Variants in PCDHA6 observed in about 807,000 individuals in gnomAD.
PCDHA6 encodes the protein protocadherin alpha-6.
Under a neutral mutation model 60.3 loss-of-function variants are expected in PCDHA6, and 55 were observed. The ratio of observed to expected loss-of-function variants is 0.91; its 90% confidence interval spans 0.73 to 1.14. The LOEUF is 1.14. PCDHA6 is among the 50% of genes most tolerant of loss of function. The probability of loss-of-function intolerance (pLI) is 0.00; values close to 1 mark genes in which losing one functional copy is unlikely to be tolerated. For synonymous variants in PCDHA6, 652 were observed against 557.9 expected (o/e 1.17, Z -2.38); for missense variants, 1,327 against 1,256.5 (o/e 1.06, Z -0.85).
At chr5:140,886,361 G>A (rs374709389) in intron 1 of PCDHA6, among the ~76,000 whole-genome samples, 1 of 151,992 alleles carries the variant, frequency 6.6e-6, no homozygotes, top group African/African-American at 2.4e-5. Context: ...TTACATAGGT[G>A]TACATGCCAT....
chr5:140,852,246 C>T, intron 1 of PCDHA6: 3 of 546,236 alleles, frequency 5.5e-6, no homozygotes, highest in South Asian at 1.6e-4. Flanking sequence ...TTAAAACACA[C>T]TTTTGGAATA....
Position 140,852,234 on chromosome 5 carries a change from C to T in PCDHA6, c.2394+21749C>T, listed in dbSNP as rs2150513960. On this transcript the variant is annotated intron_variant, in intron 1 of 3. Coordinates refer to ENST00000529310, the MANE Select transcript of PCDHA6 (RefSeq NM_018909.4). The stretch of plus-strand genomic sequence containing the variant: ...AAAATATTTTAATTTTTAAATTTTC[C>T]CTTAAAACACACTTTTGGAATATGC... 9.0e-5 allele frequency: 51 copies of T among 567,386 alleles called. 1 individual carries two copies. In the East Asian group the frequency reaches 2.4e-3, roughly 26 times the overall value. 35.1% of individuals were successfully genotyped at this position (567,386 alleles called of 1,614,324 possible).
At chr5:140,923,275 C>T (rs1296197801) in intron 1 of PCDHA6, among the ~76,000 whole-genome samples, 1 of 152,128 alleles carries the variant, frequency 6.6e-6, no homozygotes, top group African/African-American at 2.4e-5. Flanking sequence ...CTTGTCTCTA[C>T]AAAAAATTAA....
chr5:140,869,283 G>A, intron 1 of PCDHA6: 2 of 1,613,602 alleles, frequency 1.2e-6, no homozygotes, highest in Non-Finnish European at 1.7e-6. Flanking sequence ...CGGAGCTGGT[G>A]CAGCGCCTGT....
At chr5:140,896,450 C>T (rs1009231622) in intron 1 of PCDHA6, among the ~76,000 whole-genome samples, 1 of 152,092 alleles carries the variant, frequency 6.6e-6, no homozygotes, top group East Asian at 1.9e-4. Flanking sequence ...GCAACCTCCA[C>T]CTCCTGGGTT....
At chr5:140,871,209 C>T (rs955703694) in intron 1 of PCDHA6, 19 of 1,613,704 alleles carry the variant, frequency 1.2e-5, no homozygotes, top group East Asian at 4.5e-5. Flanking sequence ...TGATCATCGC[C>T]ATCTGCGTGG....
intron 3 of PCDHA6, among the ~76,000 whole-genome samples, chr5:140,985,542 C>T (rs2097157092): frequency 6.6e-6 from 1 of 152,106 alleles, no homozygotes; most frequent in African/African-American, 2.4e-5. Context: ...GGTGAAGATG[C>T]AGTTGCTTCC....
chr5:140,841,897 T>C (rs1403032733), intron 1 of PCDHA6: 2 of 1,613,728 alleles, frequency 1.2e-6, no homozygotes, highest in Middle Eastern at 1.6e-4. Context: ...ATAAACTGGT[T>C]GAGCTCGTAT....
chr5:140,860,479 C>T (rs1348082358), intron 1 of PCDHA6: 1 of 152,030 alleles, frequency 6.6e-6, no homozygotes, highest in Non-Finnish European at 1.5e-5. Context: ...TGCAGTAGTA[C>T]TTTATTTAGG....
chr5:140,932,975 A>G (rs2088770619), intron 1 of PCDHA6, among the ~76,000 whole-genome samples: 1 of 152,012 alleles, frequency 6.6e-6, no homozygotes, highest in African/African-American at 2.4e-5. Flanking sequence ...GGTTTTTACA[A>G]TGCTCAAATG....
At chr5:140,989,637 T>C (rs1274152423) in intron 3 of PCDHA6, among the ~76,000 whole-genome samples, 2 of 152,070 alleles carry the variant, frequency 1.3e-5, no homozygotes, top group African/African-American at 4.8e-5. Flanking sequence ...ACAGCAAGGG[T>C]CTTTCATGGC....
At chr5:140,991,590 G>A (rs1211923014) in intron 3 of PCDHA6, among the ~76,000 whole-genome samples, 2 of 152,098 alleles carry the variant, frequency 1.3e-5, no homozygotes, top group Non-Finnish European at 2.9e-5. Context: ...ATTTCTACCT[G>A]AGCCCTCACT....
chr5:140,975,601 GA>G (rs781785883), intron 1 of PCDHA6, among the ~76,000 whole-genome samples: 1 of 152,192 alleles, frequency 6.6e-6, no homozygotes, highest in Non-Finnish European at 1.5e-5. Flanking sequence ...GCAATTTGTT[GA>G]TGTCTTCCAC....
At chr5:140,926,923 T>G in intron 1 of PCDHA6, 1 of 1,571,554 alleles carries the variant, frequency 6.4e-7, no homozygotes. Flanking sequence ...AGTTTTATGT[T>G]TGTGGGTTTC....
intron 1 of PCDHA6, among the ~76,000 whole-genome samples, chr5:140,947,165 T>C (rs1034105702): frequency 6.6e-6 from 1 of 151,228 alleles, no homozygotes. Context: ...GGGTAGAAAA[T>C]GTGGTATATA....
At chr5:140,864,452 T>C (rs1368510551) in intron 1 of PCDHA6, 1 of 152,266 alleles carries the variant, frequency 6.6e-6, no homozygotes, top group East Asian at 1.9e-4. Context: ...TCATGATCAA[T>C]ATCCATCTTT....
chr5:140,862,165 T>C (rs1003648198), intron 1 of PCDHA6: 39 of 164,612 alleles, frequency 2.4e-4, no homozygotes, highest in Non-Finnish European at 2.3e-4. Context: ...AAGATTCAAA[T>C]ACAGGCAGTT....
intron 1 of PCDHA6, chr5:140,864,727 A>T (rs1456631288): frequency 1.3e-5 from 2 of 152,180 alleles, no homozygotes; most frequent in African/African-American, 4.8e-5. Context: ...TTTTGGGAAG[A>T]TTTCTTTGAG....
Position 140,830,184 on chromosome 5 carries a change from T to G in PCDHA6, c.2093T>G (p.Val698Gly). 2.5e-6 allele frequency: 4 copies of G among 1,613,576 alleles called. No individual in the cohort carries two copies. Among genetic ancestry groups the G allele is most frequent in the South Asian group, 2.2e-5 (2 of 91,064 alleles). ...GPEAALVDVN[V>G]YLIIAICAVS... ...GAGGCGGCGCTGGTGGATGTCAACG[T>G]GTACCTGATCATCGCCATCTGCGCG... The change falls in exon 1 of 4, where the codon GTG (valine) becomes GGG (glycine). Residue 698 changes from valine to glycine, a missense_variant. Coordinates refer to ENST00000529310, the MANE Select transcript of PCDHA6 (RefSeq NM_018909.4).
Sources: gnomAD v4.1 joint callset for allele counts (sites outside exome capture counted in the v4.1 genomes callset) on GRCh38, gnomAD v4.1.1 for gene constraint, MANE v1.5 for transcripts, NCBI Gene and HGNC (gene_info 2026-07-23, HGNC 2026-07-21) for gene names.